The following KDM4F variants were observed in gnomAD, a reference collection of about 807,000 sequenced individuals.
KDM4F encodes the protein lysine demethylase 4F.
For synonymous variants in KDM4F, 223 were observed against 184.4 expected (o/e 1.21, Z -1.70); for missense variants, 586 against 496.4 (o/e 1.18, Z -1.71).
Position 95,050,451 on chromosome 11 carries a change from T to G in KDM4F, c.1030T>G (p.Tyr344Asp). 3 of 781,890 alleles carry G rather than the reference T, an allele frequency of 3.8e-6. No homozygotes were observed. In the Admixed American group the frequency reaches 5.9e-5, roughly 15 times the overall value. 48.4% of individuals were successfully genotyped at this position (781,890 alleles called of 1,614,324 possible). A position where few individuals can be genotyped will look rare whatever the true frequency, so the allele number is the denominator to read the frequency against. Residue 344 changes from tyrosine to aspartate, a missense_variant, in exon 1 of 1, where the codon TAC becomes GAC. Transcript: ENST00000545950. The stretch of plus-strand genomic sequence containing the variant: ...CAGGCAAGACTTGACTGTTGTGGAT[T>G]ACATGGAGCCCAGGGTTGCAGAAAG...
At chr11:95,050,941 C>T (rs1590990330) in exon 1 of KDM4F, 6 of 480,352 alleles carry the variant, frequency 1.2e-5, no homozygotes, top group African/African-American at 3.9e-5. Flanking sequence ...TGCTGTTGTG[C>T]CCCTGATCTT....
exon 1 of KDM4F, chr11:95,050,408 C>T: frequency 4.6e-6 from 4 of 872,122 alleles, no homozygotes; most frequent in South Asian, 1.3e-5. Context: ...AACCCGAGAG[C>T]TATGAGCTCT....
exon 1 of KDM4F, chr11:95,050,226 A>T: frequency 1.3e-6 from 2 of 1,557,834 alleles, no homozygotes; most frequent in Admixed American, 1.7e-5. Context: ...TGGGGAGTTC[A>T]TGGTGACTTT....
At chr11:95,050,147 G>T (rs1278012481) in exon 1 of KDM4F, 2 of 1,549,998 alleles carry the variant, frequency 1.3e-6, no homozygotes, top group South Asian at 2.2e-5. Flanking sequence ...TGCGGCACAA[G>T]GTGGCCCTCA....
chr11:95,049,550 T>C, exon 1 of KDM4F: 2 of 1,596,414 alleles, frequency 1.3e-6, no homozygotes, highest in Non-Finnish European at 8.5e-7. Context: ...CACACCGAGC[T>C]GGCCTCGCCA....
At position 95,049,711 on chromosome 11, in the gene KDM4F, A is replaced by G. The variant is rs1858491551; in HGVS notation, c.290A>G (p.Gln97Arg). 1.9e-6 allele frequency: 3 copies of G among 1,605,320 alleles called. No individual in the cohort carries two copies. The Admixed American group carries it at 5.0e-5, about 27-fold the overall frequency. The change falls in exon 1 of 1, where the codon CAG (glutamine) becomes CGG (arginine). Residue 97 changes from glutamine to arginine, a missense_variant. Coordinates refer to ENST00000545950, the Ensembl canonical transcript of KDM4F. ...AAGAAGAAAGCCATGAGGGTGGGGCAGTATCGCCACTTGGCAAACAGTAAA... is the reference window on the plus strand; with the variant it reads ...AAGAAGAAAGCCATGAGGGTGGGGCGGTATCGCCACTTGGCAAACAGTAAA...
the KDM4F span, chr11:95,050,599 AC>A: frequency 1.5e-6 from 1 of 650,648 alleles, no homozygotes; most frequent in Admixed American, 2.4e-5. Flanking sequence ...CTCTGTTACA[AC>A]CCAAAGGGCG....
chr11:95,050,058 C>G, exon 1 of KDM4F: 1 of 1,602,168 alleles, frequency 6.2e-7, no homozygotes, highest in Non-Finnish European at 8.6e-7. Flanking sequence ...GTACGTGGTG[C>G]CCCCAGAACA....
chr11:95,049,998 A>G (rs1858494929), exon 1 of KDM4F: 1 of 1,614,196 alleles, frequency 6.2e-7, no homozygotes, highest in Non-Finnish European at 8.5e-7. Flanking sequence ...CACGGAGGAC[A>G]TGGACCTTTA....
exon 1 of KDM4F, chr11:95,050,116 C>T (rs2134139697): frequency 6.4e-7 from 1 of 1,572,374 alleles, no homozygotes; most frequent in Non-Finnish European, 8.8e-7. Context: ...CCAGGCAATT[C>T]CCGGGGCTGT....
exon 1 of KDM4F, chr11:95,050,955 C>A (rs1052125729): frequency 2.9e-5 from 14 of 476,964 alleles, no homozygotes; most frequent in Non-Finnish European, 3.7e-6. Context: ...TGATCTTCAA[C>A]CCCTGGGGCC....
exon 1 of KDM4F, chr11:95,050,438 G>T: frequency 2.5e-6 from 2 of 804,824 alleles, no homozygotes; most frequent in Non-Finnish European, 4.3e-6. Context: ...GGCAAGACTT[G>T]ACTGTTGTGG....
exon 1 of KDM4F, chr11:95,049,990 C>T (rs1489637173): frequency 5.3e-5 from 85 of 1,614,094 alleles, no homozygotes; most frequent in Non-Finnish European, 6.6e-5. Flanking sequence ...GCTTGGCACA[C>T]GGAGGACATG....
At chr11:95,049,461 A>G in exon 1 of KDM4F, 1 of 1,515,434 alleles carries the variant, frequency 6.6e-7, no homozygotes, top group Non-Finnish European at 8.9e-7. Context: ...CACGAGTCAT[A>G]CCATCATGAC....
exon 1 of KDM4F, chr11:95,050,618 C>T (rs999246849): frequency 1.9e-5 from 12 of 630,472 alleles, no homozygotes; most frequent in African/African-American, 5.5e-5. Context: ...GCGGTGGTAC[C>T]GATGCTGTGC....
chr11:95,049,716 C>G (rs1265805596), exon 1 of KDM4F: 1 of 1,605,324 alleles, frequency 6.2e-7, no homozygotes, highest in Non-Finnish European at 8.5e-7. Context: ...GGGGCAGTAT[C>G]GCCACTTGGC....
Position 95,049,890 on chromosome 11 carries a change from A to G in KDM4F, c.469A>G (p.Ile157Val), listed in dbSNP as rs529015801. The G allele has an allele frequency of 5.0e-6, 8 of 1,610,724 alleles. No individual in the cohort carries two copies. In the African/African-American group the frequency reaches 8.0e-5, roughly 16 times the overall value. ...ATGGAACCTAGGACACCTGGGAACA[A>G]TTCTGGACCTGTTGGAGCAGGAATG... Residue 157 changes from isoleucine (I) to valine (V), a missense_variant, in exon 1 of 1, where the codon ATT becomes GTT. Ile to Val is a conservative substitution (Grantham distance 29). Transcript: ENST00000545950.
In KDM4F at chr11:95,050,327, A is replaced by T. The variant is rs1414988723; in HGVS notation, c.906A>T (p.Lys302Asn). ...CTCCACGATGGATTGATTATGGTAA[A>T]GTGGCTTCACAGTGTAGCTGTGGCG... The change falls in exon 1 of 1, where the codon AAA becomes AAT. Residue 302 changes from lysine to asparagine, a missense_variant. Lys to Asn is a moderately conservative substitution (Grantham distance 94). Coordinates refer to ENST00000545950, the Ensembl canonical transcript of KDM4F. 3.9e-6 allele frequency: 5 copies of T among 1,297,928 alleles called. No individual in the cohort carries two copies. The South Asian group carries it at 4.8e-5, about 13-fold the overall frequency. The allele number at this position is 1,297,928 out of a possible 1,614,324, so 80.4% of individuals were successfully genotyped here. A position where few individuals can be genotyped will look rare whatever the true frequency, so the allele number is the denominator to read the frequency against.
chr11:95,050,007 T>A lies in KDM4F; in HGVS notation c.586T>A (p.Tyr196Asn), dbSNP rs1290468463. 1.9e-6 allele frequency: 3 copies of A among 1,614,042 alleles called. No homozygotes were observed. The African/African-American group carries it at 4.0e-5, about 22-fold the overall frequency. The change falls in exon 1 of 1, where the codon TAC becomes AAC. Residue 196 changes from tyrosine to asparagine, a missense_variant. Tyr to Asn is a moderately radical substitution (Grantham distance 143). Transcript: ENST00000545950. The stretch of plus-strand genomic sequence containing the variant: ...TTGGCACACGGAGGACATGGACCTT[T>A]ACAGCATCAACTACCTGCACTTTGG...
Sources: allele counts gnomAD v4.1 joint callset, GRCh38; gene constraint gnomAD v4.1.1; transcripts MANE v1.5; gene names NCBI Gene and HGNC (gene_info 2026-07-23, HGNC 2026-07-21).